DNM3: variants seen among roughly 807,000 people sequenced by gnomAD.
The protein encoded by DNM3 is dynamin-3.
DNM3 carries 47 observed loss-of-function variants against 101.6 expected under a neutral mutation model. The ratio of observed to expected loss-of-function variants is 0.46; its 90% CI spans 0.37 to 0.59. The LOEUF is 0.59. Ranked by LOEUF, DNM3 falls within the 20% of genes least tolerant of loss-of-function variation. The pLI, the probability that DNM3 is intolerant of heterozygous loss-of-function variation, is 0.00. For synonymous variants in DNM3, 385 were observed against 387.9 expected, an observed-to-expected ratio of 0.99 and a Z score of 0.09; for missense variants, 849 against 1,085.7, an observed-to-expected ratio of 0.78 and a Z score of 3.06.
chr1:172,080,022 A>C (rs1311493542), intron 11 of DNM3, among the ~76,000 whole-genome samples: 1 of 151,944 alleles, frequency 6.6e-6, no homozygotes, highest in African/African-American at 2.4e-5. Context: ...CACCCACCAG[A>C]TGCCAGCCGG....
intron 14 of DNM3, among the ~76,000 whole-genome samples, chr1:172,203,395 C>T (rs1287846202): frequency 6.6e-6 from 1 of 152,084 alleles, no homozygotes; most frequent in Non-Finnish European, 1.5e-5. Flanking sequence ...AAACCCGGGT[C>T]GCAGAGTGGT....
In DNM3 at chr1:172,412,679, G is replaced by GT. The variant is rs2071278661; in HGVS notation, c.*4839dup. 1.1e-5 allele frequency: 11 copies of GT among 985,642 alleles called. No individual in the cohort carries two copies. The South Asian group carries it at 2.8e-4, about 25-fold the overall frequency. The allele number at this position is 985,642 out of a possible 1,614,324, so 61.1% of individuals were successfully genotyped here. On this transcript the variant is annotated 3_prime_UTR_variant, in exon 21 of 21. Transcript: ENST00000627582. ...GTACCTATTGTGAAAATGTGAAGCT[G>GT]TATTTCTGAAGCTGAAATAAATTAT... is the stretch of plus-strand genomic sequence containing the variant.
At chr1:171,856,590 T>A (rs2033636596) in intron 1 of DNM3, among the ~76,000 whole-genome samples, 1 of 152,196 alleles carries the variant, frequency 6.6e-6, no homozygotes, top group Non-Finnish European at 1.5e-5. Flanking sequence ...ATCTTCCACC[T>A]CCCTGGTTAG....
chr1:172,064,116 G>A (rs569330169), intron 10 of DNM3, among the ~76,000 whole-genome samples: 5 of 152,196 alleles, frequency 3.3e-5, no homozygotes, highest in East Asian at 3.9e-4. Context: ...CATAAATTTA[G>A]GAATGTAATT....
At chr1:172,344,139 C>T (rs920121597) in intron 17 of DNM3, among the ~76,000 whole-genome samples, 3 of 152,102 alleles carry the variant, frequency 2.0e-5, no homozygotes, top group Admixed American at 6.5e-5. Flanking sequence ...ATCAACAGCC[C>T]GGCCAGGCAA....
At chr1:171,845,058 A>G (rs2031853146) in intron 1 of DNM3, among the ~76,000 whole-genome samples, 1 of 152,144 alleles carries the variant, frequency 6.6e-6, no homozygotes, top group Non-Finnish European at 1.5e-5. Context: ...AGATTTAGAG[A>G]GTTTGAGTAA....
intron 17 of DNM3, among the ~76,000 whole-genome samples, chr1:172,348,028 G>C (rs1401570773): frequency 6.6e-6 from 1 of 151,840 alleles, no homozygotes; most frequent in Non-Finnish European, 1.5e-5. Flanking sequence ...AAATATAGAT[G>C]CAATAAAACC....
intron 10 of DNM3, among the ~76,000 whole-genome samples, chr1:172,068,471 A>C (rs1268699214): frequency 6.6e-6 from 1 of 152,200 alleles, no homozygotes; most frequent in African/African-American, 2.4e-5. Flanking sequence ...AATGTTAGTC[A>C]TTATCCTTTT....
intron 15 of DNM3, among the ~76,000 whole-genome samples, chr1:172,270,173 A>T (rs1261068351): frequency 6.6e-6 from 1 of 152,044 alleles, no homozygotes; most frequent in African/African-American, 2.4e-5. Context: ...TGGCAGCCAT[A>T]AGTGTTTTCT....
chr1:172,295,038 A>G (rs2064100680), intron 15 of DNM3, among the ~76,000 whole-genome samples: 1 of 152,202 alleles, frequency 6.6e-6, no homozygotes, highest in Non-Finnish European at 1.5e-5. Flanking sequence ...ACAGAAAAGT[A>G]GAGATGTCAG....
chr1:172,001,226 A>G (rs2046340451), intron 4 of DNM3, among the ~76,000 whole-genome samples: 1 of 152,044 alleles, frequency 6.6e-6, no homozygotes, highest in African/African-American at 2.4e-5. Context: ...TTTATTTATG[A>G]TGGCTGAATA....
intron 14 of DNM3, among the ~76,000 whole-genome samples, chr1:172,155,967 C>T (rs1028260265): frequency 7.2e-5 from 11 of 152,012 alleles, no homozygotes; most frequent in South Asian, 4.1e-4. Flanking sequence ...CCTTGGTGTG[C>T]GTCCAGCTTG....
At chr1:172,010,975 T>A (rs1322742147) in intron 4 of DNM3, among the ~76,000 whole-genome samples, 3 of 151,898 alleles carry the variant, frequency 2.0e-5, no homozygotes, top group Non-Finnish European at 4.4e-5. Flanking sequence ...TGGTTTTTGG[T>A]TGAATACTGG....
chr1:172,100,555 C>T (rs530412042), intron 13 of DNM3, among the ~76,000 whole-genome samples: 6 of 152,334 alleles, frequency 3.9e-5, no homozygotes, highest in Admixed American at 1.3e-4. Context: ...CGCCTTTCTC[C>T]GCTCAGCTAA....
intron 17 of DNM3, among the ~76,000 whole-genome samples, chr1:172,368,107 T>C (rs2068122689): frequency 6.6e-6 from 1 of 151,858 alleles, no homozygotes; most frequent in African/African-American, 2.4e-5. Flanking sequence ...ATTCAAACTG[T>C]ACTATAAATC....
chr1:172,228,236 T>A (rs975975310), intron 14 of DNM3, among the ~76,000 whole-genome samples: 1 of 152,012 alleles, frequency 6.6e-6, no homozygotes, highest in African/African-American at 2.4e-5. Flanking sequence ...TCTTCCCAAA[T>A]TGTCATCTAT....
At chr1:172,364,174 A>C (rs559924495) in intron 17 of DNM3, among the ~76,000 whole-genome samples, 1 of 152,092 alleles carries the variant, frequency 6.6e-6, no homozygotes, top group Admixed American at 6.6e-5. Flanking sequence ...TGCATGTCTC[A>C]TCATATATTA....
intron 15 of DNM3, among the ~76,000 whole-genome samples, chr1:172,256,605 T>C (rs1293306479): frequency 3.9e-5 from 6 of 152,012 alleles, no homozygotes; most frequent in African/African-American, 1.4e-4. Flanking sequence ...TAGAGTTTTG[T>C]GTCTTTTCAG....
intron 2 of DNM3, among the ~76,000 whole-genome samples, chr1:171,977,443 G>A (rs778167753): frequency 6.6e-6 from 1 of 151,976 alleles, no homozygotes; most frequent in African/African-American, 2.4e-5. Context: ...AGCAAGGGAA[G>A]AGACACAAGG....
Sources: gnomAD v4.1 joint callset for allele counts (sites outside exome capture counted in the v4.1 genomes callset) on GRCh38, gnomAD v4.1.1 for gene constraint, MANE v1.5 for transcripts, NCBI Gene and HGNC (gene_info 2026-07-23, HGNC 2026-07-21) for gene names.